Variants in LOC400499 observed in about 807,000 individuals in gnomAD.
At chr16:11,435,273 T>C in the LOC400499 span, among the ~76,000 whole-genome samples, 1 of 152,122 alleles carries the variant, frequency 6.6e-6, no homozygotes, top group East Asian at 1.9e-4. Context: ...CCACCACACC[T>C]GGCTAATTTT....
chr16:11,473,214 T>G, the LOC400499 span: 4 of 151,824 alleles, frequency 2.6e-5, no homozygotes, highest in Non-Finnish European at 4.4e-5. Context: ...AAAATTTTTT[T>G]CTGTATTGTA....
chr16:11,372,841 A>ACAGTTGTCC, the LOC400499 span: 2 of 361,510 alleles, frequency 5.5e-6, no homozygotes, highest in Non-Finnish European at 7.7e-6. Context: ...GGCCTTCATT[A>ACAGTTGTCC]TTAAAAGGAC....
the LOC400499 span, chr16:11,390,034 T>C: frequency 2.0e-6 from 2 of 1,025,368 alleles, no homozygotes; most frequent in East Asian, 3.2e-5. Flanking sequence ...TCGGAAGGTG[T>C]CAAAGCATTC....
chr16:11,513,392 C>T, the LOC400499 span, among the ~76,000 whole-genome samples: 3 of 124,142 alleles, frequency 2.4e-5, no homozygotes, highest in Non-Finnish European at 4.9e-5. Flanking sequence ...GGCAACAGAA[C>T]GAGACTGTGT....
chr16:11,405,902 A>G, the LOC400499 span, among the ~76,000 whole-genome samples: 1 of 152,128 alleles, frequency 6.6e-6, no homozygotes, highest in East Asian at 1.9e-4. Flanking sequence ...ACCTCCTACC[A>G]TTCCCCACCC....
the LOC400499 span, among the ~76,000 whole-genome samples, chr16:11,525,472 G>T: frequency 2.0e-5 from 3 of 152,246 alleles, no homozygotes; most frequent in East Asian, 5.8e-4. Context: ...TTGCATTCAA[G>T]TAGAATATCA....
At chr16:11,450,903 A>T in the LOC400499 span, 81,258 of 1,241,758 alleles carry the variant, frequency 0.065, 13,053 homozygotes, top group African/African-American at 0.42. Flanking sequence ...CGAGAGTCTC[A>T]TCACAGCCGC....
At chr16:11,427,299 G>T in the LOC400499 span, among the ~76,000 whole-genome samples, 1 of 134,844 alleles carries the variant, frequency 7.4e-6, no homozygotes. Context: ...GGTAAGCTGA[G>T]ATGGCGCCAT....
chr16:11,512,989 C>G, the LOC400499 span, among the ~76,000 whole-genome samples: 6 of 152,314 alleles, frequency 3.9e-5, no homozygotes, highest in African/African-American at 1.4e-4. Context: ...ACGCTATTAC[C>G]AGCCAGAGCT....
the LOC400499 span, among the ~76,000 whole-genome samples, chr16:11,496,378 G>A: frequency 2.0e-5 from 3 of 152,144 alleles, no homozygotes; most frequent in Non-Finnish European, 4.4e-5. Context: ...GCCCAGCTCT[G>A]TTCTTTCTCT....
the LOC400499 span, among the ~76,000 whole-genome samples, chr16:11,381,724 C>T: frequency 1.3e-5 from 2 of 152,172 alleles, no homozygotes; most frequent in Non-Finnish European, 2.9e-5. Context: ...CACACACTAA[C>T]CTCATGCTTA....
At chr16:11,513,149 A>G in the LOC400499 span, among the ~76,000 whole-genome samples, 1 of 152,128 alleles carries the variant, frequency 6.6e-6, no homozygotes, top group African/African-American at 2.4e-5. Flanking sequence ...TAATCCTGTA[A>G]TCCCAGCACT....
At chr16:11,508,021 G>A in the LOC400499 span, among the ~76,000 whole-genome samples, 1 of 152,098 alleles carries the variant, frequency 6.6e-6, no homozygotes, top group African/African-American at 2.4e-5. Flanking sequence ...TCCCTTATTT[G>A]GAAAAAGGAT....
At chr16:11,394,671 A>C in the LOC400499 span, among the ~76,000 whole-genome samples, 5 of 152,226 alleles carry the variant, frequency 3.3e-5, no homozygotes, top group African/African-American at 1.2e-4. Context: ...CCACACACCC[A>C]ATGAATGCTG....
chr16:11,493,213 G>A, the LOC400499 span, among the ~76,000 whole-genome samples: 2 of 152,284 alleles, frequency 1.3e-5, no homozygotes, highest in East Asian at 3.9e-4. Context: ...TTCTGTAAAG[G>A]GACAGAGAAC....
At chr16:11,387,396 G>C in the LOC400499 span, 30 of 962,268 alleles carry the variant, frequency 3.1e-5, no homozygotes, top group Non-Finnish European at 4.0e-5. Context: ...CTCTGCAGTG[G>C]AGAGCATGAG....
chr16:11,524,361 G>GCCCCCCCCCCCCCCCCCCC, the LOC400499 span, among the ~76,000 whole-genome samples: 3 of 93,740 alleles, frequency 3.2e-5, no homozygotes, highest in African/African-American at 1.9e-4. Flanking sequence ...CATCCACCCA[G>GCCCCCCCCCCCCCCCCCCC]CCACCCACCC....
chr16:11,505,542 C>G, the LOC400499 span, among the ~76,000 whole-genome samples: 21 of 140,514 alleles, frequency 1.5e-4, no homozygotes, highest in African/African-American at 5.4e-4. Context: ...TAGCCTTAAC[C>G]TCCCAGGCTC....
At chr16:11,472,961 C>T in the LOC400499 span, 1 of 152,002 alleles carries the variant, frequency 6.6e-6, no homozygotes, top group East Asian at 1.9e-4. Context: ...AAGCCTGTCT[C>T]TACTAAAATT....
Sources: gnomAD v4.1 joint callset for allele counts (sites outside exome capture counted in the v4.1 genomes callset) on GRCh38, gnomAD v4.1.1 for gene constraint, MANE v1.5 for transcripts.